LYZL2: variants seen among roughly 807,000 people sequenced by gnomAD.
LYZL2 encodes the protein lysozyme like 2, also known as lysozyme-like protein 2.
Under a neutral mutation model 17.1 loss-of-function variants are expected in LYZL2, and 13 were observed. The ratio of observed to expected loss-of-function variants is 0.76; its 90% CI spans 0.49 to 1.21. LYZL2 has a LOEUF of 1.21. LYZL2 is among the 50% of genes most tolerant of loss of function. The probability of loss-of-function intolerance (pLI) is 0.00; values close to 1 mark genes in which losing one functional copy is unlikely to be tolerated. For missense variants in LYZL2, 166 were observed against 189.2 expected, an observed-to-expected ratio of 0.88 and a Z score of 0.72; for synonymous variants, 63 against 74.4, an observed-to-expected ratio of 0.85 and a Z score of 0.79.
intron 3 of LYZL2, among the ~76,000 whole-genome samples, chr10:30,617,674 C>CAAAAAAAAAAAAAAAAAAAAA (rs1165550893): frequency 1.1e-3 from 55 of 50,198 alleles, no homozygotes; most frequent in South Asian, 1.8e-3. Flanking sequence ...GACTCTGTCT[C>CAAAAAAAAAAAAAAAAAAAAA]AAAAAAAAAA....
intron 3 of LYZL2, among the ~76,000 whole-genome samples, chr10:30,613,710 C>A (rs1340824449): frequency 1.3e-5 from 2 of 151,976 alleles, no homozygotes; most frequent in African/African-American, 2.4e-5. Flanking sequence ...GTCTTTATTA[C>A]TTTTCCTTTT....
intron 3 of LYZL2, among the ~76,000 whole-genome samples, chr10:30,619,270 A>G (rs982986376): frequency 3.3e-5 from 5 of 152,070 alleles, no homozygotes; most frequent in African/African-American, 9.7e-5. Context: ...TCAGTGTGGC[A>G]ATTCCTCAGG....
chr10:30,608,802 T>C (rs1215743694), downstream of LYZL2, among the ~76,000 whole-genome samples: 1 of 152,248 alleles, frequency 6.6e-6, no homozygotes, highest in Non-Finnish European at 1.5e-5. Flanking sequence ...TGATTCCACA[T>C]GTGTCCAGTG....
chr10:30,606,774 C>T, the LYZL2 span, among the ~76,000 whole-genome samples: 4 of 152,222 alleles, frequency 2.6e-5, no homozygotes, highest in African/African-American at 7.2e-5. Context: ...GCTCTATCAC[C>T]AGGGACAGAG....
chr10:30,615,577 G>C (rs751365642), intron 3 of LYZL2, among the ~76,000 whole-genome samples: 1 of 151,914 alleles, frequency 6.6e-6, no homozygotes, highest in Non-Finnish European at 1.5e-5. Flanking sequence ...CACACACACA[G>C]TAATTATGTG....
intron 2 of LYZL2, 147 bp from the exon 3 acceptor site, chr10:30,626,410 G>C: frequency 1.5e-6 from 2 of 1,316,356 alleles, no homozygotes; most frequent in Non-Finnish European, 2.1e-6. Context: ...TGTGCCCAGG[G>C]GGCACACGAG....
downstream of LYZL2, among the ~76,000 whole-genome samples, chr10:30,607,788 C>T (rs1292533770): frequency 6.6e-6 from 1 of 152,120 alleles, no homozygotes; most frequent in Non-Finnish European, 1.5e-5. Flanking sequence ...TGAATTTCCA[C>T]CCTTAGACAT....
chr10:30,611,570 G>GGAAAGAAAGAAAGAAA (rs71023593), downstream of LYZL2, among the ~76,000 whole-genome samples: 112 of 54,102 alleles, frequency 2.1e-3, 1 homozygote, highest in African/African-American at 3.9e-3. Context: ...AAGGAAGGAA[G>GGAAAGAAAGAAAGAAA]GAAAGAAAGA....
rs565320559 is a variant in LYZL2 at position 30,628,020 on chromosome 10, T to C, written c.-25-1080A>G. Among the ~76,000 whole-genome samples, 9 of 151,974 alleles carry C rather than the reference T, an allele frequency of 5.9e-5. No homozygotes were observed. The East Asian group carries it at 1.4e-3, about 23-fold the overall frequency. On this transcript the variant is annotated intron_variant, in intron 1 of 4. Transcript: ENST00000647634. ...TAAAAATACAAAAAAATTAGCCGGG[T>C]GTGGTGGCATGTGTCTGTAGTCCCA... is the stretch of plus-strand genomic sequence containing the variant.
chr10:30,612,019 C>A lies in LYZL2; in HGVS notation c.383G>T (p.Gly128Val). The change falls in exon 5 of 5, where the codon GGC becomes GTC. Residue 128 changes from glycine (G) to valine (V), a missense_variant. Gly to Val is a moderately radical substitution (Grantham distance 109). Coordinates refer to ENST00000647634, the MANE Select transcript of LYZL2 (RefSeq NM_183058.3). ...KETQGMNYWQ[G>V]WKKHCEGRDL... The stretch of plus-strand genomic sequence containing the variant: ...TCTCCCCTCACAGTGTTTCTTCCAG[C>A]CTTGCCTGAGGACGAGAGGGAAGCA... The A allele has an allele frequency of 6.2e-7, 1 of 1,614,160 alleles. No homozygotes were observed.
intron 3 of LYZL2, among the ~76,000 whole-genome samples, chr10:30,617,177 T>G (rs1236530906): frequency 6.6e-6 from 1 of 152,104 alleles, no homozygotes; most frequent in African/African-American, 2.4e-5. Context: ...CCCAGGCATG[T>G]ACAGAAAGTG....
chr10:30,611,922 G>A lies in LYZL2; in HGVS notation c.*33C>T, dbSNP rs775942691. 2.7e-5 allele frequency: 44 copies of A among 1,614,000 alleles called. No individual in the cohort carries two copies. The highest frequency in any genetic ancestry group is 1.5e-4 in the South Asian group (14 of 91,086). On this transcript the variant is annotated 3_prime_UTR_variant, in exon 5 of 5. Coordinates refer to ENST00000647634, the MANE Select transcript of LYZL2 (RefSeq NM_183058.3). ...GGACATTCACTGCAAACCCTAGGGC[G>A]TTGCTGCAAAGCATCCTGGGTCCAG...
At chr10:30,628,159 C>CA (rs34812106) in intron 1 of LYZL2, among the ~76,000 whole-genome samples, 4,502 of 141,976 alleles carry the variant, frequency 0.032, 189 homozygotes, top group African/African-American at 0.1. Flanking sequence ...GACTCCGCCT[C>CA]AAAAAAAAAA....
intron 3 of LYZL2, among the ~76,000 whole-genome samples, chr10:30,620,797 A>G (rs767989633): frequency 5.9e-5 from 9 of 152,228 alleles, no homozygotes; most frequent in Non-Finnish European, 1.0e-4. Context: ...AAACAAAATT[A>G]TGATGCCAAA....
At chr10:30,620,903 T>C (rs1290945638) in intron 3 of LYZL2, among the ~76,000 whole-genome samples, 1 of 147,696 alleles carries the variant, frequency 6.8e-6, no homozygotes, top group African/African-American at 2.5e-5. Context: ...GACATAATAA[T>C]GGAAACTATT....
chr10:30,607,755 G>A (rs1320633527), downstream of LYZL2, among the ~76,000 whole-genome samples: 6 of 152,160 alleles, frequency 3.9e-5, no homozygotes, highest in East Asian at 3.9e-4. Flanking sequence ...CCCTGGCTGC[G>A]GCTTTTTTGC....
At chr10:30,623,985 T>C (rs1838663963) in intron 3 of LYZL2, among the ~76,000 whole-genome samples, 1 of 152,222 alleles carries the variant, frequency 6.6e-6, no homozygotes, top group African/African-American at 2.4e-5. Context: ...TCCTTCACTC[T>C]CAGGCTGGGC....
chr10:30,623,759 A>G (rs1588677606), intron 3 of LYZL2, among the ~76,000 whole-genome samples: 1 of 152,262 alleles, frequency 6.6e-6, no homozygotes, highest in Non-Finnish European at 1.5e-5. Flanking sequence ...TTCCTTATAT[A>G]TTGCAATGTA....
intron 3 of LYZL2, among the ~76,000 whole-genome samples, chr10:30,620,220 G>A (rs992411567): frequency 7.2e-5 from 11 of 152,218 alleles, no homozygotes; most frequent in Non-Finnish European, 1.6e-4. Context: ...GATTTAAGAT[G>A]CTAATGAGAC....
Sources: allele counts gnomAD v4.1 joint callset (sites outside exome capture counted in the v4.1 genomes callset), GRCh38; gene constraint gnomAD v4.1.1; transcripts MANE v1.5; gene names NCBI Gene and HGNC (gene_info 2026-07-23, HGNC 2026-07-21).